Variants in NBEA observed in about 807,000 individuals in gnomAD.
NBEA encodes lysosomal-trafficking regulator 2.
A neutral mutation model predicts 343.4 loss-of-function variants in NBEA; 44 were observed. That is an observed-to-expected ratio of 0.13 (90% confidence interval 0.10 to 0.16). NBEA has a LOEUF of 0.16. Ranked by LOEUF, NBEA falls within the 10% of genes least tolerant of loss-of-function variation. The probability of loss-of-function intolerance (pLI) is 1.00; values close to 1 mark genes in which losing one functional copy is unlikely to be tolerated. For missense variants in NBEA, 2,555 were observed against 3,631.3 expected (o/e 0.70, Z 7.62); for synonymous variants, 1,175 against 1,238.7 (o/e 0.95, Z 1.08).
At chr13:35,603,314 A>G (rs748312982) in intron 47 of NBEA, among the ~76,000 whole-genome samples, 3 of 152,156 alleles carry the variant, frequency 2.0e-5, no homozygotes, top group Non-Finnish European at 2.9e-5. Context: ...GATCCAACAA[A>G]ACATAAACCT....
intron 49 of NBEA, among the ~76,000 whole-genome samples, chr13:35,643,170 A>G (rs1454745815): frequency 6.6e-6 from 1 of 151,762 alleles, no homozygotes; most frequent in Non-Finnish European, 1.5e-5. Flanking sequence ...CATGCTGTGG[A>G]CAAGCTAATT....
At chr13:35,598,545 G>C (rs946395941) in intron 47 of NBEA, among the ~76,000 whole-genome samples, 2 of 152,150 alleles carry the variant, frequency 1.3e-5, no homozygotes, top group Admixed American at 6.5e-5. Flanking sequence ...TTCCCAAGTT[G>C]GTACAGCAGC....
intron 47 of NBEA, 45 bp downstream of exon 47, chr13:35,593,492 T>C: frequency 6.5e-7 from 1 of 1,543,502 alleles, no homozygotes; most frequent in East Asian, 2.3e-5. Context: ...TCAAAATATG[T>C]GGAAATTTTG....
intron 38 of NBEA, among the ~76,000 whole-genome samples, chr13:35,413,584 A>T (rs2043717403): frequency 1.3e-5 from 2 of 152,158 alleles, no homozygotes; most frequent in Non-Finnish European, 2.9e-5. Flanking sequence ...ATTATCAAAA[A>T]TTTTATTGAG....
chr13:35,655,367 G>T (rs1290484804), intron 54 of NBEA, among the ~76,000 whole-genome samples: 1 of 152,100 alleles, frequency 6.6e-6, no homozygotes, highest in Non-Finnish European at 1.5e-5. Flanking sequence ...TGACATTCTT[G>T]TATCAGTTTC....
At chr13:35,129,666 A>C (rs1463252097) in intron 17 of NBEA, among the ~76,000 whole-genome samples, 2 of 152,098 alleles carry the variant, frequency 1.3e-5, no homozygotes, top group Non-Finnish European at 2.9e-5. Flanking sequence ...TAAGAGTTAT[A>C]GAAAAGGGGA....
chr13:35,297,504 A>G lies in NBEA; in HGVS notation c.5838+7054A>G, dbSNP rs146724311. Among the ~76,000 whole-genome samples the G allele has an allele frequency of 1.5e-3, 228 of 152,108 alleles. 1 individual carries two copies. The highest frequency in any genetic ancestry group is 5.4e-3 in the African/African-American group (223 of 41,554). On this transcript the variant is annotated intron_variant, in intron 35 of 58. Transcript: ENST00000379939. ...AGAAAATAAGTATTGTATAGTCTCA[A>G]TATATTAACATTTATGAAGAGCATT...
chr13:35,393,648 A>C (rs372511792), intron 38 of NBEA, among the ~76,000 whole-genome samples: 3 of 152,054 alleles, frequency 2.0e-5, no homozygotes, highest in East Asian at 3.8e-4. Flanking sequence ...TCTTATTTGA[A>C]ATTTCTGTAT....
chr13:35,137,238 CAGG>C (rs2067787733), intron 17 of NBEA, among the ~76,000 whole-genome samples: 1 of 152,094 alleles, frequency 6.6e-6, no homozygotes, highest in African/African-American at 2.4e-5. Context: ...ATCCCTTGGT[CAGG>C]AGATCGAGAC....
At chr13:35,492,155 A>G (rs1308808149) in intron 41 of NBEA, among the ~76,000 whole-genome samples, 1 of 151,968 alleles carries the variant, frequency 6.6e-6, no homozygotes, top group East Asian at 1.9e-4. Flanking sequence ...GAGGATGCAA[A>G]GGCATAACAA....
At chr13:35,494,225 G>C (rs2076596368) in intron 41 of NBEA, among the ~76,000 whole-genome samples, 1 of 151,902 alleles carries the variant, frequency 6.6e-6, no homozygotes, top group Admixed American at 6.6e-5. Context: ...AATCATTGTT[G>C]AGGAATTACA....
intron 55 of NBEA, among the ~76,000 whole-genome samples, chr13:35,658,877 G>C (rs1278943442): frequency 6.6e-6 from 1 of 152,078 alleles, no homozygotes; most frequent in African/African-American, 2.4e-5. Flanking sequence ...ATCTGTGTCG[G>C]TCTCTTCACT....
chr13:35,156,147 T>C lies in NBEA; in HGVS notation c.2592T>C (p.Val864=). ...NSTPSAELME[V]RRLFLSDMIK... ...CACCAAGTGCAGAGCTGATGGAAGT[T>C]CGTCGTTTATTTTTATCTGATATGA... The change falls in exon 20 of 59, where the codon GTT becomes GTC. Residue 864 remains valine, a synonymous_variant. Coordinates refer to ENST00000379939, the MANE Select transcript of NBEA (RefSeq NM_001385012.1). 1 of 1,591,686 alleles carries C rather than the reference T, an allele frequency of 6.3e-7. No individual in the cohort carries two copies. Among genetic ancestry groups the C allele is most frequent in the Non-Finnish European group, 8.5e-7 (1 of 1,169,860 alleles).
At chr13:35,656,558 G>A (rs1368361474) in intron 55 of NBEA, among the ~76,000 whole-genome samples, 1 of 152,172 alleles carries the variant, frequency 6.6e-6, no homozygotes, top group Non-Finnish European at 1.5e-5. Flanking sequence ...AGTAGATAAT[G>A]AGTGTCTGTC....
At chr13:35,338,217 GA>G (rs1266724019) in intron 36 of NBEA, among the ~76,000 whole-genome samples, 2 of 150,636 alleles carry the variant, frequency 1.3e-5, no homozygotes, top group Non-Finnish European at 3.0e-5. Context: ...ACTTTAGCTA[GA>G]AAAAAAAGAA....
chr13:35,247,209 G>T (rs1294098385), intron 34 of NBEA, among the ~76,000 whole-genome samples: 1 of 152,148 alleles, frequency 6.6e-6, no homozygotes, highest in Non-Finnish European at 1.5e-5. Flanking sequence ...CAGGCTACCG[G>T]CCTCCTGGCC....
chr13:35,563,876 AT>A (rs11302238), intron 44 of NBEA, among the ~76,000 whole-genome samples: 138,270 of 151,100 alleles, frequency 0.92, 63,599 homozygotes, highest in East Asian at 1. Flanking sequence ...AAATAGCATT[AT>A]TTTTTTTTTA....
intron 53 of NBEA, among the ~76,000 whole-genome samples, chr13:35,652,590 A>G (rs542376335): frequency 1.8e-3 from 264 of 147,348 alleles, no homozygotes; most frequent in African/African-American, 5.9e-3. Context: ...GCAGTGAGCC[A>G]AGATGGCACC....
At chr13:34,964,242 C>T (rs750893053) in intron 1 of NBEA, among the ~76,000 whole-genome samples, 1 of 151,930 alleles carries the variant, frequency 6.6e-6, no homozygotes, top group Non-Finnish European at 1.5e-5. Context: ...GCATTCAGCA[C>T]ACTGAGCTTT....
Sources: allele counts gnomAD v4.1 joint callset (sites outside exome capture counted in the v4.1 genomes callset), GRCh38; gene constraint gnomAD v4.1.1; transcripts MANE v1.5; gene names NCBI Gene and HGNC (gene_info 2026-07-23, HGNC 2026-07-21).